The following FOSL2 variants were observed in gnomAD, a reference collection of about 807,000 sequenced individuals.
The protein encoded by FOSL2 is fos-related antigen 2.
In FOSL2, 3 loss-of-function variants were observed where a neutral mutation model predicts 27.7. That is an observed-to-expected ratio of 0.11 (90% CI 0.05 to 0.28). The LOEUF is 0.28. Ranked by LOEUF, FOSL2 falls within the 10% of genes least tolerant of loss-of-function variation. FOSL2 has a pLI of 1.00. For synonymous variants in FOSL2, 179 were observed against 190.1 expected (o/e 0.94, Z 0.48); for missense variants, 333 against 445.1 (o/e 0.75, Z 2.27).
At chr2:28,398,402 C>T (rs1246906576) in intron 1 of FOSL2, among the ~76,000 whole-genome samples, 1 of 152,256 alleles carries the variant, frequency 6.6e-6, no homozygotes, top group Non-Finnish European at 1.5e-5. Context: ...GGCTCACCTT[C>T]CGGTGGCTTT....
chr2:28,410,554 C>T, intron 3 of FOSL2: 2 of 985,162 alleles, frequency 2.0e-6, no homozygotes, highest in Non-Finnish European at 2.4e-6. Flanking sequence ...ATGCTGTCCT[C>T]TGCTGAACGA....
chr2:28,393,173 C>G lies in FOSL2; in HGVS notation c.-548C>G, dbSNP rs573589381. ...TCCTAGTCAAGTATCCGAGCCGCCC[C>G]GAAACTCGGGCGGCGAGTCGGCCAC... is the stretch of plus-strand genomic sequence containing the variant. On this transcript the variant is annotated 5_prime_UTR_variant, in exon 1 of 4. Transcript: ENST00000264716. This position sits in a 1 kb window ranked among gnomAD's most constrained non-coding sequence, Gnocchi z 4.6. 14 of 268,544 alleles carry G rather than the reference C, an allele frequency of 5.2e-5. No individual in the cohort carries two copies. In the South Asian group the frequency reaches 1.2e-3, roughly 24 times the overall value. 16.6% of individuals were successfully genotyped at this position (268,544 alleles called of 1,614,324 possible).
In FOSL2 at chr2:28,413,941, C is replaced by T. The variant is rs1018129141; in HGVS notation, c.*1493C>T. On this transcript the variant is annotated 3_prime_UTR_variant, in exon 4 of 4. Transcript: ENST00000264716. ...CCCTTTCACGGGGTTGGGGAAGGGT[C>T]CCCCTGGCCTCCAGCAGGAGCACAG... The T allele has an allele frequency of 1.0e-5, 4 of 397,586 alleles. No homozygotes were observed. In the East Asian group the frequency reaches 1.4e-4, roughly 14 times the overall value. 24.6% of individuals were successfully genotyped at this position (397,586 alleles called of 1,614,324 possible).
Position 28,404,254 on chromosome 2 carries a change from C to A in FOSL2, c.250C>A (p.Pro84Thr), listed in dbSNP as rs781046221. 7 of 1,614,194 alleles carry A rather than the reference C, an allele frequency of 4.3e-6. No homozygotes were observed. The highest frequency in any genetic ancestry group is 1.1e-5 in the South Asian group (1 of 91,086). ...ATACCCTCGCTCGCACCCCTACAGC[C>A]CCCTGCCGGGCCTGGCCTCTGTCCC... ...NPYPRSHPYSPLPGLASVPGH... is the reference protein window; with the variant it reads ...NPYPRSHPYSTLPGLASVPGH... Residue 84 changes from proline (P) to threonine (T), a missense_variant, in exon 2 of 4, where the codon CCC becomes ACC. Around this residue, in one of 4 missense-constraint regions of FOSL2, gnomAD observed 131 missense variants for 157.9 expected, o/e 0.83. Transcript: ENST00000264716. This position sits in a 1 kb window ranked among gnomAD's most constrained non-coding sequence, Gnocchi z 4.7.
In FOSL2 at chr2:28,400,261, A is replaced by G. The variant is rs1015626141; in HGVS notation, c.103-3846A>G. Among the ~76,000 whole-genome samples, 13 of 152,232 alleles carry G rather than the reference A, an allele frequency of 8.5e-5. No homozygotes were observed. The South Asian group carries it at 1.7e-3, about 19-fold the overall frequency. ...CTGTAGCCCCCAGCTGAGCAGCTCT[A>G]TCTTGGTTTGTGTTTAGTGTTAACT... On this transcript the variant is annotated intron_variant, in intron 1 of 3. Coordinates refer to ENST00000264716, the MANE Select transcript of FOSL2 (RefSeq NM_005253.4).
chr2:28,405,508 C>A (rs1664057503), intron 2 of FOSL2, among the ~76,000 whole-genome samples: 1 of 152,230 alleles, frequency 6.6e-6, no homozygotes, highest in Non-Finnish European at 1.5e-5. Context: ...ACTCTGTGAT[C>A]CCCAGGGCCA....
rs1428989430 is a variant in FOSL2 at position 28,414,692 on chromosome 2, C to T, written c.*2244C>T. 1 of 152,204 alleles carries T rather than the reference C, an allele frequency of 6.6e-6. No individual in the cohort carries two copies. Among genetic ancestry groups the T allele is most frequent in the East Asian group, 1.9e-4 (1 of 5,190 alleles). 9.4% of individuals were successfully genotyped at this position (152,204 alleles called of 1,614,324 possible). ...TATTTCTAAAAGCCCCCTTATACCC[C>T]ACTTTGTGCAGCAAAGATCCCCGTG... On this transcript the variant is annotated 3_prime_UTR_variant, in exon 4 of 4. Coordinates refer to ENST00000264716, the MANE Select transcript of FOSL2 (RefSeq NM_005253.4).
chr2:28,392,880 G>T lies in FOSL2; in HGVS notation c.-841G>T, dbSNP rs1012722875. The T allele has an allele frequency of 4.2e-6, 3 of 715,428 alleles. No homozygotes were observed. The highest frequency in any genetic ancestry group is 5.2e-6 in the Non-Finnish European group (2 of 383,804). 44.3% of individuals were successfully genotyped at this position (715,428 alleles called of 1,614,324 possible). The stretch of plus-strand genomic sequence containing the variant: ...ATTGTAGTGACTCATCTCGGGCAGA[G>T]CGCTAGGGCTCCGAGCGAACCAGCG... On this transcript the variant is annotated 5_prime_UTR_variant, in exon 1 of 4. Transcript: ENST00000264716.
chr2:28,416,935 T>A lies in FOSL2; in HGVS notation c.*4487T>A, dbSNP rs1158565725. ...CATATGGCTCTATGGGGAATTTAAT[T>A]ACCTTTCTGGGCACTTTTTTTTTTT... On this transcript the variant is annotated 3_prime_UTR_variant, in exon 4 of 4. Coordinates refer to ENST00000264716, the MANE Select transcript of FOSL2 (RefSeq NM_005253.4). The A allele has an allele frequency of 6.6e-6, 1 of 151,412 alleles. No homozygotes were observed. Among genetic ancestry groups the A allele is most frequent in the African/African-American group, 2.4e-5 (1 of 41,136 alleles). 9.4% of individuals were successfully genotyped at this position (151,412 alleles called of 1,614,324 possible). A position where few individuals can be genotyped will look rare whatever the true frequency, so the allele number is the denominator to read the frequency against.
chr2:28,413,574 G>A lies in FOSL2; in HGVS notation c.*1126G>A. Reference sequence around the variant, plus strand: ...GCATTTGCTGAGGATGGAGAGGCAGGGGAGGGAGGCGGGAGGCCGTCACTG... The same window carrying A: ...GCATTTGCTGAGGATGGAGAGGCAGAGGAGGGAGGCGGGAGGCCGTCACTG... On this transcript the variant is annotated 3_prime_UTR_variant, in exon 4 of 4. Coordinates refer to ENST00000264716, the MANE Select transcript of FOSL2 (RefSeq NM_005253.4). 1 of 398,852 alleles carries A rather than the reference G, an allele frequency of 2.5e-6. No homozygotes were observed. The allele number at this position is 398,852 out of a possible 1,614,324, so 24.7% of individuals were successfully genotyped here. A position where few individuals can be genotyped will look rare whatever the true frequency, so the allele number is the denominator to read the frequency against.
rs1156694300 is a variant in FOSL2 at position 28,405,024 on chromosome 2, GAGAA to G, written c.354+671_354+674del. 2.0e-5 allele frequency among the ~76,000 whole-genome samples: 3 copies of G among 152,148 alleles called. No homozygotes were observed. In the East Asian group the frequency reaches 5.8e-4, roughly 29 times the overall value. Reference sequence around the variant, plus strand: ...TTTTCTCTTCAAGGGGCTCAGCTTTGAGAAAGAATTAACCTGGCTGGGGAGGGAA... The same window carrying G: ...TTTTCTCTTCAAGGGGCTCAGCTTTGAGAATTAACCTGGCTGGGGAGGGAA... On this transcript the variant is annotated intron_variant, in intron 2 of 3. Coordinates refer to ENST00000264716, the MANE Select transcript of FOSL2 (RefSeq NM_005253.4).
chr2:28,396,901 CTT>C (rs1447962345), intron 1 of FOSL2: 1 of 150,972 alleles, frequency 6.6e-6, no homozygotes, highest in African/African-American at 2.4e-5. Context: ...CATCAAAGAA[CTT>C]TTACCAGAAA....
rs1041196373 is a variant in FOSL2, at chr2:28,413,182, C to G, written c.*734C>G. 4 of 266,048 alleles carry G rather than the reference C, an allele frequency of 1.5e-5. No individual in the cohort carries two copies. Among genetic ancestry groups the G allele is most frequent in the African/African-American group, 8.8e-5 (4 of 45,620 alleles). 16.5% of individuals were successfully genotyped at this position (266,048 alleles called of 1,614,324 possible). A position where few individuals can be genotyped will look rare whatever the true frequency, so the allele number is the denominator to read the frequency against. On this transcript the variant is annotated 3_prime_UTR_variant, in exon 4 of 4. Coordinates refer to ENST00000264716, the MANE Select transcript of FOSL2 (RefSeq NM_005253.4). ...TCGGAGACGGCTTCTGGAGGAACGG[C>G]TTGGCCAGAAGACAGGGTGTGAGTG...
At chr2:28,401,564 C>T (rs1663974198) in intron 1 of FOSL2, among the ~76,000 whole-genome samples, 1 of 152,166 alleles carries the variant, frequency 6.6e-6, no homozygotes, top group Non-Finnish European at 1.5e-5. Flanking sequence ...TGACTCCCCG[C>T]CCCTCCCATC....
At chr2:28,405,070 G>C (rs1436286301) in intron 2 of FOSL2, among the ~76,000 whole-genome samples, 2 of 149,456 alleles carry the variant, frequency 1.3e-5, no homozygotes, top group Non-Finnish European at 2.9e-5. Flanking sequence ...AAATGGGGAA[G>C]GGGGGGCTCT....
rs186185791 is a variant in FOSL2, at chr2:28,408,028, T to A, written c.355-731T>A. Among the ~76,000 whole-genome samples, 3 of 152,252 alleles carry A rather than the reference T, an allele frequency of 2.0e-5. No homozygotes were observed. Among genetic ancestry groups the A allele is most frequent in the Non-Finnish European group, 4.4e-5 (3 of 68,018 alleles). ...TGGAACCAGGTGCTCACTTGTTGAGTGGACAGATATGGTGGGCAGCAGGAT... is the reference window on the plus strand; with the variant it reads ...TGGAACCAGGTGCTCACTTGTTGAGAGGACAGATATGGTGGGCAGCAGGAT... On this transcript the variant is annotated intron_variant, in intron 2 of 3. Coordinates refer to ENST00000264716, the MANE Select transcript of FOSL2 (RefSeq NM_005253.4). This position sits in a 1 kb window ranked among gnomAD's most constrained non-coding sequence, Gnocchi z 4.1.
rs778110135 is a variant in FOSL2 at position 28,393,681 on chromosome 2, G to A, written c.-40G>A. 1.0e-5 allele frequency: 15 copies of A among 1,492,592 alleles called. No homozygotes were observed. The East Asian group carries it at 3.5e-4, about 35-fold the overall frequency. The allele number at this position is 1,492,592 out of a possible 1,614,324, so 92.5% of individuals were successfully genotyped here. On this transcript the variant is annotated 5_prime_UTR_variant, in exon 1 of 4. Transcript: ENST00000264716. The surrounding 1 kb of genome is among the most constrained non-coding windows in gnomAD (Gnocchi z 4.6). ...CGCGGCCGCGGCGAGGGCGGGGGAA[G>A]AAAAACACCCTGTTTCCTCTCCGGC...
rs1310092086 is a variant in FOSL2 at position 28,392,943 on chromosome 2, A to AGG, written c.-776_-775dup. On this transcript the variant is annotated 5_prime_UTR_variant, in exon 1 of 4. Coordinates refer to ENST00000264716, the MANE Select transcript of FOSL2 (RefSeq NM_005253.4). Reference sequence around the variant, plus strand: ...AGCGGCGCTCGGCGGGGACAGAAAGAGGGAGAGAGAGAGAGAGAGAGAGGG... The same window carrying AGG: ...AGCGGCGCTCGGCGGGGACAGAAAGAGGGGGAGAGAGAGAGAGAGAGAGAGGG... 32 of 699,756 alleles carry AGG rather than the reference A, an allele frequency of 4.6e-5. No homozygotes were observed. The highest frequency in any genetic ancestry group is 8.2e-5 in the East Asian group (3 of 36,562). 43.3% of individuals were successfully genotyped at this position (699,756 alleles called of 1,614,324 possible).
rs1294023204 is a variant in FOSL2, at chr2:28,413,746, C to T, written c.*1298C>T. The T allele has an allele frequency of 2.5e-6, 1 of 399,062 alleles. No homozygotes were observed. 24.7% of individuals were successfully genotyped at this position (399,062 alleles called of 1,614,324 possible). On this transcript the variant is annotated 3_prime_UTR_variant, in exon 4 of 4. Transcript: ENST00000264716. ...TGCTTTCTCTTTTACACTCCCCTGT[C>T]CCCACCCCAGTGCACTCTTCTGGCC...
Sources: gnomAD v4.1 joint callset for allele counts (sites outside exome capture counted in the v4.1 genomes callset) on GRCh38, gnomAD v4.1.1 for gene constraint, gnomAD v4.1.1 regional missense constraint, Gnocchi (gnomAD v3.1) non-coding constraint, MANE v1.5 for transcripts, NCBI Gene and HGNC (gene_info 2026-07-23, HGNC 2026-07-21) for gene names.